MYO5B: variants seen among roughly 807,000 people sequenced by gnomAD.
The protein encoded by MYO5B is myosin VB.
Under a neutral mutation model 229.3 loss-of-function variants are expected in MYO5B, and 143 were observed. The observed-to-expected ratio is 0.62, with a 90% CI of 0.54 to 0.72. MYO5B has a LOEUF of 0.72. Among genes scored for constraint, MYO5B ranks in the 30% least tolerant of loss-of-function variants. The probability of loss-of-function intolerance (pLI) is 0.00; values close to 1 mark genes in which losing one functional copy is unlikely to be tolerated. For missense variants in MYO5B, 2,321 were observed against 2,331.0 expected, an observed-to-expected ratio of 1.00 and a Z score of 0.09; for synonymous variants, 918 against 885.2, an observed-to-expected ratio of 1.04 and a Z score of -0.66.
chr18:50,079,453 C>T (rs937194318), intron 1 of MYO5B, among the ~76,000 whole-genome samples: 2 of 151,930 alleles, frequency 1.3e-5, no homozygotes, highest in African/African-American at 4.8e-5. Context: ...CCAACCACTG[C>T]CTCCCTCTCA....
chr18:50,114,072 A>C (rs2031914453), intron 1 of MYO5B, among the ~76,000 whole-genome samples: 1 of 152,186 alleles, frequency 6.6e-6, no homozygotes, highest in Admixed American at 6.6e-5. Context: ...CTTCTCTTTA[A>C]ATCATGTTAG....
chr18:50,056,557 C>A (rs1480286039), intron 1 of MYO5B, among the ~76,000 whole-genome samples: 1 of 152,158 alleles, frequency 6.6e-6, no homozygotes, highest in African/African-American at 2.4e-5. Flanking sequence ...TATCAGGAAA[C>A]CTGAAACAAC....
chr18:50,115,545 GAGACACACAC>G (rs1461990107), intron 1 of MYO5B, among the ~76,000 whole-genome samples: 87 of 106,224 alleles, frequency 8.2e-4, no homozygotes, highest in East Asian at 4.7e-3. Flanking sequence ...CACACACAGA[GAGACACACAC>G]ACACACACAC....
In MYO5B at chr18:49,984,786, T is replaced by A. The variant is rs2025853757; in HGVS notation, c.878A>T (p.Asp293Val). 2 of 1,613,888 alleles carry A rather than the reference T, an allele frequency of 1.2e-6. No homozygotes were observed. Among genetic ancestry groups the A allele is most frequent in the Non-Finnish European group, 1.7e-6 (2 of 1,179,786 alleles). The change falls in exon 8 of 40, where the codon GAC becomes GTC. Residue 293 changes from aspartate (D) to valine (V), a missense_variant. This residue lies in a region of MYO5B where 2,113 missense variants were observed against 2,044.7 expected (regional missense o/e 1.03). Transcript: ENST00000285039. ...EDFFYTSQGG[D>V]TSIEGVDDAE... ...ATCGTCCACACCCTCGATGGAAGTG[T>A]CTCCTCCCTGTGATGTATAGAAAAA...
intron 12 of MYO5B, among the ~76,000 whole-genome samples, chr18:49,957,109 C>T (rs570828239): frequency 7.6e-6 from 1 of 132,206 alleles, no homozygotes; most frequent in Admixed American, 9.1e-5. Context: ...TACATTAGAC[C>T]TGATTCCACT....
intron 33 of MYO5B, 92 bp from the exon 34 acceptor site, chr18:49,843,484 T>A: frequency 6.9e-7 from 1 of 1,456,868 alleles, no homozygotes; most frequent in Non-Finnish European, 9.6e-7. Flanking sequence ...GTGTTTTCAA[T>A]ATTTCCCCAT....
In MYO5B at chr18:49,963,004, A is replaced by T; in HGVS notation, c.1349T>A (p.Phe450Tyr). Residue 450 changes from phenylalanine (F) to tyrosine (Y), a missense_variant, in exon 11 of 40, where the codon TTT becomes TAT. Physicochemically the swap from Phe to Tyr is conservative, Grantham distance 22. This residue lies in a region of MYO5B where 2,113 missense variants were observed against 2,044.7 expected (regional missense o/e 1.03). Transcript: ENST00000285039. ...YGFETFEVNSFEQFCINYANE... is the reference protein window; with the variant it reads ...YGFETFEVNSYEQFCINYANE... ...TGCATAGTTGATACAGAACTGCTCAAAGCTGTTTACCTCAAATGTCTCAAA... is the reference window on the plus strand; with the variant it reads ...TGCATAGTTGATACAGAACTGCTCATAGCTGTTTACCTCAAATGTCTCAAA... 6.2e-7 allele frequency: 1 copy of T among 1,614,064 alleles called. No homozygotes were observed. Among genetic ancestry groups the T allele is most frequent in the South Asian group, 1.1e-5 (1 of 91,082 alleles).
chr18:50,043,405 A>G (rs1277032748), intron 2 of MYO5B, among the ~76,000 whole-genome samples: 2 of 49,624 alleles, frequency 4.0e-5, no homozygotes, highest in East Asian at 6.8e-4. Flanking sequence ...AAATATATTA[A>G]ATATTAAATA....
intron 16 of MYO5B, among the ~76,000 whole-genome samples, chr18:49,932,594 T>C (rs986867021): frequency 6.6e-6 from 1 of 152,186 alleles, no homozygotes; most frequent in African/African-American, 2.4e-5. Flanking sequence ...CTCATTTTCC[T>C]CATTTACTCA....
chr18:49,922,556 T>C (rs979124970), intron 17 of MYO5B, among the ~76,000 whole-genome samples: 10 of 152,126 alleles, frequency 6.6e-5, no homozygotes, highest in African/African-American at 2.4e-4. Context: ...CAAAACACAG[T>C]GCCTCTTTCC....
intron 2 of MYO5B, among the ~76,000 whole-genome samples, chr18:50,042,599 G>A (rs571854257): frequency 1.6e-4 from 24 of 152,310 alleles, no homozygotes; most frequent in Admixed American, 2.6e-4. Flanking sequence ...GCGAATGTCC[G>A]AGGGCTGATT....
intron 7 of MYO5B, among the ~76,000 whole-genome samples, chr18:49,989,638 G>A (rs1164731398): frequency 3.3e-5 from 5 of 152,192 alleles, no homozygotes; most frequent in Non-Finnish European, 4.4e-5. Flanking sequence ...CCCAAGGAGA[G>A]CTGCTCTGTG....
rs567982816 is a variant in MYO5B at position 49,859,389 on chromosome 18, G to A, written c.3945-2499C>T. Among the ~76,000 whole-genome samples the A allele has an allele frequency of 5.9e-5, 9 of 152,278 alleles. No individual in the cohort carries two copies. In the South Asian group the frequency reaches 1.0e-3, roughly 18 times the overall value. ...AACAGGATCTATCAACCATGGCCCC[G>A]CCACAGTTAAGAACCTGCCTTCCTG... is the stretch of plus-strand genomic sequence containing the variant. On this transcript the variant is annotated intron_variant, in intron 29 of 39. Coordinates refer to ENST00000285039, the MANE Select transcript of MYO5B (RefSeq NM_001080467.3).
At chr18:49,953,468 T>C (rs561221043) in intron 13 of MYO5B, 125 bp from the exon 14 acceptor site, 1 of 796,208 alleles carries the variant, frequency 1.3e-6, no homozygotes, top group African/African-American at 1.7e-5. Flanking sequence ...CCCACAGATG[T>C]TTCCACTTAA....
chr18:49,934,905 G>GAA (rs2025232797), intron 16 of MYO5B, among the ~76,000 whole-genome samples: 1 of 152,138 alleles, frequency 6.6e-6, no homozygotes, highest in South Asian at 2.1e-4. Context: ...TTATTTCACA[G>GAA]AAAGAAATTA....
chr18:49,843,289 C>T lies in MYO5B; in HGVS notation c.4563G>A (p.Val1521=). 6.2e-7 allele frequency: 1 copy of T among 1,614,188 alleles called. No individual in the cohort carries two copies. Among genetic ancestry groups the T allele is most frequent in the Non-Finnish European group, 8.5e-7 (1 of 1,180,040 alleles). ...TGATGGTGGAGGTCAGCAGGGAGTG[C>T]ACCTTGAGATCGTCGTTGGTGTAGT... ...HADYTNDDLK[V]HSLLTSTING... Residue 1521 remains valine (V), a synonymous_variant, in exon 34 of 40, where the codon GTG becomes GTA. Transcript: ENST00000285039.
intron 30 of MYO5B, among the ~76,000 whole-genome samples, chr18:49,854,470 A>G (rs1344727745): frequency 6.6e-6 from 1 of 152,204 alleles, no homozygotes; most frequent in Non-Finnish European, 1.5e-5. Context: ...CATCTTCAGG[A>G]AGTTAGATGC....
chr18:50,038,151 C>A (rs922834364), intron 3 of MYO5B, among the ~76,000 whole-genome samples: 3 of 152,164 alleles, frequency 2.0e-5, no homozygotes, highest in African/African-American at 7.2e-5. Context: ...TTTGATCTTT[C>A]AGACAAACAG....
rs1306739466 is a variant in MYO5B, at chr18:49,974,342, A to T, written c.1322+8T>A. On this transcript the variant is annotated splice_region_variant and intron_variant, in intron 10 of 39. Transcript: ENST00000285039. ...TAGCAGATAGAGCGAGACAGGCGGC[A>T]GGCCTACCCATAGATGTCCAGGACC... 3.1e-6 allele frequency: 5 copies of T among 1,614,226 alleles called. No individual in the cohort carries two copies. The highest frequency in any genetic ancestry group is 4.2e-6 in the Non-Finnish European group (5 of 1,180,026).
Sources: gnomAD v4.1 joint callset for allele counts (sites outside exome capture counted in the v4.1 genomes callset) on GRCh38, gnomAD v4.1.1 for gene constraint, gnomAD v4.1.1 regional missense constraint, MANE v1.5 for transcripts, NCBI Gene and HGNC (gene_info 2026-07-23, HGNC 2026-07-21) for gene names.